The following CEP83 variants were observed in gnomAD, a reference collection of about 807,000 sequenced individuals.
The protein encoded by CEP83 is centrosomal protein 83.
In CEP83, 70 loss-of-function variants were observed where a neutral mutation model predicts 101.9. The observed-to-expected ratio is 0.69, with a 90% CI of 0.57 to 0.84. The LOEUF (loss-of-function observed/expected upper bound fraction) is 0.84, where lower values mean the gene tolerates loss of function less well. Ranked by LOEUF, CEP83 falls within the 40% of genes least tolerant of loss-of-function variation. CEP83 has a pLI of 0.00. For synonymous variants in CEP83, 264 were observed against 267.9 expected (o/e 0.99, Z 0.14); for missense variants, 715 against 787.2 (o/e 0.91, Z 1.10).
intron 6 of CEP83, among the ~76,000 whole-genome samples, chr12:94,382,249 T>C (rs565265364): frequency 1.3e-5 from 2 of 152,124 alleles, no homozygotes; most frequent in Admixed American, 1.3e-4. Flanking sequence ...TTCCATCTTT[T>C]TTGTTAGTTT....
In CEP83 at chr12:94,318,090, G is replaced by A. The variant is rs148829222; in HGVS notation, c.1708-5073C>T. On this transcript the variant is annotated intron_variant, in intron 14 of 16. Transcript: ENST00000397809. ...TTTGCCATTTATTTGTATCATCTCTGATTTGTCTAAGCAGTGTTTTATAAT... is the reference window on the plus strand; with the variant it reads ...TTTGCCATTTATTTGTATCATCTCTAATTTGTCTAAGCAGTGTTTTATAAT... 2.3e-3 allele frequency among the ~76,000 whole-genome samples: 348 copies of A among 152,116 alleles called. 1 individual carries two copies. Among genetic ancestry groups the A allele is most frequent in the African/African-American group, 8.2e-3 (341 of 41,506 alleles).
chr12:94,381,169 A>C (rs2061829439), intron 6 of CEP83, among the ~76,000 whole-genome samples: 1 of 152,150 alleles, frequency 6.6e-6, no homozygotes, highest in African/African-American at 2.4e-5. Flanking sequence ...CTGCCATAAC[A>C]CCACTTGTGT....
chr12:94,427,197 A>C (rs1269761579), intron 2 of CEP83, among the ~76,000 whole-genome samples: 1 of 152,234 alleles, frequency 6.6e-6, no homozygotes, highest in Non-Finnish European at 1.5e-5. Context: ...ACACTTACAC[A>C]TACATTAGAT....
the CEP83 span, among the ~76,000 whole-genome samples, chr12:94,300,229 T>C: frequency 6.6e-6 from 1 of 151,886 alleles, no homozygotes; most frequent in Admixed American, 6.6e-5. Flanking sequence ...ATGAGTGCAG[T>C]GGAGAAAGTA....
At chr12:94,392,110 G>C (rs2062583249) in intron 6 of CEP83, among the ~76,000 whole-genome samples, 1 of 152,072 alleles carries the variant, frequency 6.6e-6, no homozygotes, top group African/African-American at 2.4e-5. Flanking sequence ...AGATATACAG[G>C]ACTTGAACTC....
chr12:94,282,485 C>T, the CEP83 span: 5 of 871,114 alleles, frequency 5.7e-6, no homozygotes, highest in South Asian at 7.4e-5. Flanking sequence ...TCCAGGACTC[C>T]CACCCATTTC....
In CEP83 at chr12:94,367,807, G is replaced by A. The variant is rs377607379; in HGVS notation, c.1330C>T (p.Leu444Phe). The A allele has an allele frequency of 6.2e-7, 1 of 1,609,710 alleles. No homozygotes were observed. The highest frequency in any genetic ancestry group is 1.1e-5 in the South Asian group (1 of 90,288). The change falls in exon 11 of 17, where the codon CTT becomes TTT. Residue 444 changes from leucine to phenylalanine, a missense_variant. By Grantham distance (22) the Leu-to-Phe change is conservative (BLOSUM62 0). Coordinates refer to ENST00000397809, the MANE Select transcript of CEP83 (RefSeq NM_016122.3). Reference sequence around the variant, plus strand: ...TGTATATATAACCTAACACTCTGAAGCTCCTTCCTGGTGATCTCTTCTGCC... The same window carrying A: ...TGTATATATAACCTAACACTCTGAAACTCCTTCCTGGTGATCTCTTCTGCC... ...QMAEEITRKE[L>F]QSVRLKLQQQ...
intron 11 of CEP83, among the ~76,000 whole-genome samples, chr12:94,345,865 C>T (rs1465587545): frequency 6.6e-6 from 1 of 152,070 alleles, no homozygotes; most frequent in Admixed American, 6.5e-5. Flanking sequence ...CATGTTTATC[C>T]AATGAAGTCT....
At chr12:94,293,597 C>T in the CEP83 span, among the ~76,000 whole-genome samples, 2 of 152,106 alleles carry the variant, frequency 1.3e-5, no homozygotes, top group African/African-American at 2.4e-5. Flanking sequence ...CAGAGGGGAC[C>T]AGCAAGCTCT....
intron 14 of CEP83, chr12:94,328,305 C>G (rs1355905901): frequency 3.0e-6 from 1 of 335,294 alleles, no homozygotes; most frequent in Non-Finnish European, 5.9e-6. Flanking sequence ...AGATCCTGTT[C>G]AAGCTTTTCC....
chr12:94,367,682 G>T, intron 11 of CEP83, 112 bp downstream of exon 11: 1 of 581,670 alleles, frequency 1.7e-6, no homozygotes, highest in Non-Finnish European at 2.8e-6. Flanking sequence ...ATTTGTATTT[G>T]GGAGATCAGG....
chr12:94,304,140 C>CCTTTTGGG, downstream of CEP83: 1 of 854,852 alleles, frequency 1.2e-6, no homozygotes, highest in Non-Finnish European at 1.8e-6. Flanking sequence ...ACAGCTCTGG[C>CCTTTTGGG]ATCCCAAAAG....
chr12:94,376,690 T>TATACACACACACACACACACAC lies in CEP83; in HGVS notation c.802-674_802-673insGTGTGTGTGTGTGTGTGTGTAT, dbSNP rs1555235995. On this transcript the variant is annotated intron_variant, in intron 7 of 16. Coordinates refer to ENST00000397809, the MANE Select transcript of CEP83 (RefSeq NM_016122.3). ...ATTCAACATAATATATATACATATA[T>TATACACACACACACACACACAC]ACACACACACACACACACACACACA... Among the ~76,000 whole-genome samples, 8 of 117,388 alleles carry TATACACACACACACACACACAC rather than the reference T, an allele frequency of 6.8e-5. No individual in the cohort carries two copies. In the East Asian group the frequency reaches 1.5e-3, roughly 21 times the overall value. The allele number at this position is 117,388 out of a possible 152,430, so 77.0% of individuals were successfully genotyped here.
chr12:94,281,689 G>C, the CEP83 span: 1 of 152,180 alleles, frequency 6.6e-6, no homozygotes, highest in Non-Finnish European at 1.5e-5. Context: ...CCAAAGTATT[G>C]GGATTATAGG....
chr12:94,305,775 G>A (rs1968941327), downstream of CEP83: 1 of 152,962 alleles, frequency 6.5e-6, no homozygotes, highest in Non-Finnish European at 1.5e-5. Flanking sequence ...ACTTTCCCCA[G>A]TAGTTCTTGG....
chr12:94,397,329 T>A (rs1472105250), intron 6 of CEP83, among the ~76,000 whole-genome samples: 1 of 152,088 alleles, frequency 6.6e-6, no homozygotes, highest in Non-Finnish European at 1.5e-5. Flanking sequence ...TGAAACCCCA[T>A]CTCTACTAAA....
At chr12:94,309,565 G>A (rs1457145285) in intron 16 of CEP83, among the ~76,000 whole-genome samples, 2 of 152,108 alleles carry the variant, frequency 1.3e-5, no homozygotes, top group Admixed American at 1.3e-4. Context: ...CACGGAACAT[G>A]CACAGTTCAC....
intron 6 of CEP83, among the ~76,000 whole-genome samples, chr12:94,390,705 A>G (rs2062467996): frequency 6.6e-6 from 1 of 152,238 alleles, no homozygotes; most frequent in African/African-American, 2.4e-5. Context: ...GTTCGAACCC[A>G]TCGCAAGGAA....
chr12:94,333,696 T>C, intron 12 of CEP83, 57 bp from the exon 13 acceptor site: 1 of 1,547,388 alleles, frequency 6.5e-7, no homozygotes, highest in Non-Finnish European at 8.8e-7. Flanking sequence ...CGGTAAGGTA[T>C]GAGAGAAGCA....
Sources: allele counts gnomAD v4.1 joint callset (sites outside exome capture counted in the v4.1 genomes callset), GRCh38; gene constraint gnomAD v4.1.1; transcripts MANE v1.5; gene names NCBI Gene and HGNC (gene_info 2026-07-23, HGNC 2026-07-21).